The following ZPBP variants were observed in gnomAD, a reference collection of about 807,000 sequenced individuals.
ZPBP encodes zona pellucida-binding protein 1.
In ZPBP, 26 loss-of-function variants were observed where a neutral mutation model predicts 44.8. The observed-to-expected ratio is 0.58, with a 90% CI of 0.43 to 0.81. The LOEUF is 0.81. Among genes scored for constraint, ZPBP ranks in the 30% least tolerant of loss-of-function variants. ZPBP has a pLI of 0.00. For synonymous variants in ZPBP, 174 were observed against 153.2 expected, an observed-to-expected ratio of 1.14 and a Z score of -1.00; for missense variants, 409 against 434.0, an observed-to-expected ratio of 0.94 and a Z score of 0.51.
chr7:50,086,200 A>AT (rs1255490926), intron 2 of ZPBP, among the ~76,000 whole-genome samples: 2 of 152,146 alleles, frequency 1.3e-5, no homozygotes, highest in Non-Finnish European at 2.9e-5. Context: ...ACACGATATC[A>AT]GCAAACAGCA....
intron 6 of ZPBP, among the ~76,000 whole-genome samples, chr7:50,004,638 G>A (rs1157149830): frequency 1.3e-5 from 2 of 151,980 alleles, no homozygotes; most frequent in Non-Finnish European, 2.9e-5. Context: ...GAGGTTACAA[G>A]CATAATAACT....
At position 50,092,611 on chromosome 7, in the gene ZPBP, T is replaced by C. The variant is rs1803048858; in HGVS notation, c.127+457A>G. On this transcript the variant is annotated intron_variant, in intron 1 of 7. Transcript: ENST00000046087. Reference sequence around the variant, plus strand: ...AGTATAGAAAAGTACTTCAATTCTTTAGAGGTCAAAACTTTAAAATCGCAT... The same window carrying C: ...AGTATAGAAAAGTACTTCAATTCTTCAGAGGTCAAAACTTTAAAATCGCAT... Among the ~76,000 whole-genome samples, 2 of 152,232 alleles carry C rather than the reference T, an allele frequency of 1.3e-5. 1 individual carries two copies. The highest frequency in any genetic ancestry group is 4.1e-4 in the South Asian group (2 of 4,836).
rs542349363 is a variant in ZPBP at position 49,956,769 on chromosome 7, AT to A, written c.962-19148del. On this transcript the variant is annotated intron_variant, in intron 7 of 7. Coordinates refer to ENST00000046087, the MANE Select transcript of ZPBP (RefSeq NM_007009.3). ...CAATTGCTATCAATATCCTAGAATA[AT>A]TTTTTTTGTAAATACAGATAAACTA... Among the ~76,000 whole-genome samples the A allele has an allele frequency of 3.2e-3, 484 of 152,152 alleles. 6 individuals carry two copies. Among genetic ancestry groups the A allele is most frequent in the African/African-American group, 0.011 (450 of 41,542 alleles).
intron 7 of ZPBP, among the ~76,000 whole-genome samples, chr7:49,942,062 C>A (rs1794909957): frequency 6.6e-6 from 1 of 152,036 alleles, no homozygotes; most frequent in Non-Finnish European, 1.5e-5. Context: ...TATACACAGA[C>A]AACTAAATGA....
intron 7 of ZPBP, among the ~76,000 whole-genome samples, chr7:49,982,596 T>C (rs1259437869): frequency 1.3e-5 from 2 of 151,282 alleles, no homozygotes; most frequent in East Asian, 1.9e-4. Context: ...ATCTCAAACT[T>C]CTCAGCCATC....
chr7:50,087,844 G>A (rs1802746251), intron 2 of ZPBP, among the ~76,000 whole-genome samples: 1 of 151,826 alleles, frequency 6.6e-6, no homozygotes, highest in South Asian at 2.1e-4. Context: ...TATTGTTAAG[G>A]CGACAATACT....
chr7:50,029,991 G>C (rs1272627146), intron 5 of ZPBP, among the ~76,000 whole-genome samples: 1 of 152,140 alleles, frequency 6.6e-6, no homozygotes, highest in Non-Finnish European at 1.5e-5. Flanking sequence ...AAGTAGCTGG[G>C]ATTATAGGCC....
At chr7:50,071,541 C>A (rs1421424606) in intron 3 of ZPBP, among the ~76,000 whole-genome samples, 2 of 152,074 alleles carry the variant, frequency 1.3e-5, no homozygotes, top group Admixed American at 6.5e-5. Flanking sequence ...GCTGGGGAAG[C>A]CAAGGGAGGG....
chr7:49,985,641 CAAAAA>C (rs199820024), intron 6 of ZPBP, among the ~76,000 whole-genome samples: 3 of 120,802 alleles, frequency 2.5e-5, no homozygotes, highest in Non-Finnish European at 3.6e-5. Context: ...ATACCCCATG[CAAAAA>C]AAAAAAAAAA....
chr7:49,920,164 T>C (rs565812273), intron 1 of ZPBP: 24 of 152,210 alleles, frequency 1.6e-4, no homozygotes, highest in African/African-American at 4.1e-4. Context: ...CAGAGCAATA[T>C]AGAGCAAAAC....
intron 4 of ZPBP, among the ~76,000 whole-genome samples, chr7:50,048,014 T>C (rs1184079113): frequency 6.6e-6 from 1 of 152,086 alleles, no homozygotes; most frequent in African/African-American, 2.4e-5. Context: ...CAGAATAGTA[T>C]GGGAGGGTAA....
At chr7:49,986,568 A>G (rs1797291931) in intron 6 of ZPBP, among the ~76,000 whole-genome samples, 1 of 152,210 alleles carries the variant, frequency 6.6e-6, no homozygotes, top group Non-Finnish European at 1.5e-5. Flanking sequence ...TCCTTGTTGG[A>G]AGAACCATTC....
At chr7:49,972,966 T>C (rs1484196805) in intron 7 of ZPBP, among the ~76,000 whole-genome samples, 1 of 151,918 alleles carries the variant, frequency 6.6e-6, no homozygotes, top group African/African-American at 2.4e-5. Flanking sequence ...GCTGAGACTA[T>C]TCCATGGGTA....
At chr7:49,866,336 G>C (rs111361613) in intron 2 of ZPBP, among the ~76,000 whole-genome samples, 1 of 152,134 alleles carries the variant, frequency 6.6e-6, no homozygotes, top group Non-Finnish European at 1.5e-5. Flanking sequence ...CCTGACTGGC[G>C]TTCTTCCCTC....
At chr7:50,017,882 A>C (rs1414847833) in intron 6 of ZPBP, among the ~76,000 whole-genome samples, 1 of 152,138 alleles carries the variant, frequency 6.6e-6, no homozygotes, top group Non-Finnish European at 1.5e-5. Context: ...GCAATATGAA[A>C]ATAGATTAAA....
At chr7:49,990,321 C>T (rs917092972) in intron 6 of ZPBP, among the ~76,000 whole-genome samples, 2 of 152,152 alleles carry the variant, frequency 1.3e-5, no homozygotes, top group Non-Finnish European at 2.9e-5. Flanking sequence ...CTTGGGCACC[C>T]CATTAATATG....
chr7:49,862,898 CTG>C (rs1368471541), intron 2 of ZPBP, among the ~76,000 whole-genome samples: 2 of 152,082 alleles, frequency 1.3e-5, no homozygotes, highest in African/African-American at 4.8e-5. Context: ...TGTTTTTTAT[CTG>C]TCTCATTAGA....
chr7:49,866,854 C>T (rs1790913387), intron 2 of ZPBP, among the ~76,000 whole-genome samples: 1 of 152,182 alleles, frequency 6.6e-6, no homozygotes, highest in African/African-American at 2.4e-5. Context: ...CTCAGACAAC[C>T]CGAGGCATGC....
chr7:49,989,957 C>T (rs1246339860), intron 6 of ZPBP, among the ~76,000 whole-genome samples: 1 of 152,160 alleles, frequency 6.6e-6, no homozygotes, highest in Non-Finnish European at 1.5e-5. Context: ...CACAGGATAT[C>T]CTTTTCTCTC....
Sources: gnomAD v4.1 joint callset for allele counts (sites outside exome capture counted in the v4.1 genomes callset) on GRCh38, gnomAD v4.1.1 for gene constraint, MANE v1.5 for transcripts, NCBI Gene and HGNC (gene_info 2026-07-23, HGNC 2026-07-21) for gene names.